The following SULT1B1 variants were observed in gnomAD, a reference collection of about 807,000 sequenced individuals.
The protein encoded by SULT1B1 is sulfotransferase 1B1.
A neutral mutation model predicts 34.6 loss-of-function variants in SULT1B1; 28 were observed. The observed-to-expected ratio is 0.81, with a 90% CI of 0.60 to 1.11. SULT1B1 has a LOEUF of 1.11. Ranked by LOEUF, SULT1B1 falls within the 50% of genes least tolerant of loss-of-function variation. SULT1B1 has a pLI of 0.00. For synonymous variants in SULT1B1, 147 were observed against 110.2 expected (o/e 1.33, Z -2.09); for missense variants, 374 against 352.2 (o/e 1.06, Z -0.50).
intron 6 of SULT1B1, among the ~76,000 whole-genome samples, 165 bp downstream of exon 6, chr4:69,733,248 A>G (rs1437912678): frequency 6.6e-6 from 1 of 152,176 alleles, no homozygotes; most frequent in African/African-American, 2.4e-5. Context: ...TCTTTTCACA[A>G]TTAGAAACTC....
intron 4 of SULT1B1, 127 bp downstream of exon 4, chr4:69,749,594 G>A (rs1718892037): frequency 3.7e-6 from 2 of 546,380 alleles, no homozygotes; most frequent in Non-Finnish European, 6.5e-6. Context: ...TACAACGTGA[G>A]TGGGTATAGT....
At position 69,726,194 on chromosome 4, in the gene SULT1B1, T is replaced by A; in HGVS notation, c.*894A>T. The A allele has an allele frequency of 6.7e-6, 1 of 148,258 alleles. No homozygotes were observed. Among genetic ancestry groups the A allele is most frequent in the Non-Finnish European group, 1.5e-5 (1 of 66,806 alleles). The allele number at this position is 148,258 out of a possible 1,614,324, so 9.2% of individuals were successfully genotyped here. On this transcript the variant is annotated 3_prime_UTR_variant, in exon 8 of 8. Coordinates refer to ENST00000310613, the MANE Select transcript of SULT1B1 (RefSeq NM_014465.4). ...CAGAGTGGAGATTCAGCCTAGAGAG[T>A]CTTCCTTGGGCACCAGATTGGGAAA...
At position 69,724,540 on chromosome 4, in the gene SULT1B1, C is replaced by A. The variant is rs1717748227; in HGVS notation, c.*2548G>T. ...AAACTACTTTAAAGTTCATAAGAAA[C>A]CAAAAAAGAGCCCGCATTGCCAAGT... On this transcript the variant is annotated 3_prime_UTR_variant, in exon 8 of 8. Transcript: ENST00000310613. The A allele has an allele frequency of 6.6e-6, 1 of 152,016 alleles. No individual in the cohort carries two copies. The highest frequency in any genetic ancestry group is 1.5e-5 in the Non-Finnish European group (1 of 68,002). The allele number at this position is 152,016 out of a possible 1,614,324, so 9.4% of individuals were successfully genotyped here. A position where few individuals can be genotyped will look rare whatever the true frequency, so the allele number is the denominator to read the frequency against.
At chr4:69,737,978 C>A (rs1469234185) in intron 4 of SULT1B1, among the ~76,000 whole-genome samples, 1 of 152,102 alleles carries the variant, frequency 6.6e-6, no homozygotes, top group East Asian at 1.9e-4. Flanking sequence ...GAGCATATTA[C>A]CTGATAGGCA....
At chr4:69,749,400 C>T (rs1718882023) in intron 4 of SULT1B1, among the ~76,000 whole-genome samples, 1 of 152,038 alleles carries the variant, frequency 6.6e-6, no homozygotes, top group South Asian at 2.1e-4. Flanking sequence ...AAGAATTATA[C>T]CAAATCTTCA....
In SULT1B1 at chr4:69,759,737, A is replaced by T. The variant is rs191426891; in HGVS notation, c.-45+722T>A. Among the ~76,000 whole-genome samples the T allele has an allele frequency of 1.3e-4, 20 of 152,380 alleles. No individual in the cohort carries two copies. The East Asian group carries it at 2.7e-3, about 21-fold the overall frequency. ...ACATTTACTTTAAAATCTAAAAATT[A>T]GTTCATAAAATATTTTAAACCCTAT... On this transcript the variant is annotated intron_variant, in intron 1 of 7. Transcript: ENST00000310613.
At chr4:69,746,316 C>A (rs1324232806) in intron 4 of SULT1B1, among the ~76,000 whole-genome samples, 1 of 152,088 alleles carries the variant, frequency 6.6e-6, no homozygotes. Flanking sequence ...AGTTAATTGC[C>A]TCTCTCTATC....
At position 69,749,816 on chromosome 4, in the gene SULT1B1, T is replaced by A; in HGVS notation, c.280A>T (p.Ile94Leu). 1.2e-6 allele frequency: 2 copies of A among 1,611,244 alleles called. No homozygotes were observed. Among genetic ancestry groups the A allele is most frequent in the Non-Finnish European group, 1.7e-6 (2 of 1,177,544 alleles). ...MTLPGLRTSG[I>L]EQLEKNPSPR... The stretch of plus-strand genomic sequence containing the variant: ...GATGGATTCTTCTCCAATTGTTCTA[T>A]ACCTGAGAAATTTAGTTAAGTATAG... Residue 94 changes from isoleucine (I) to leucine (L), a missense_variant and splice_region_variant, in exon 4 of 8, where the codon ATA (isoleucine) becomes TTA (leucine). Transcript: ENST00000310613.
chr4:69,749,765 G>T lies in SULT1B1; in HGVS notation c.331C>A (p.Pro111Thr). The T allele has an allele frequency of 6.2e-7, 1 of 1,613,588 alleles. No individual in the cohort carries two copies. The highest frequency in any genetic ancestry group is 8.5e-7 in the Non-Finnish European group (1 of 1,179,646). ...AAAGATTTAGGAAGAAGATCAGTCGGTAGATGTGTTTTCACAATCCGGGGT... is the reference window on the plus strand; with the variant it reads ...AAAGATTTAGGAAGAAGATCAGTCGTTAGATGTGTTTTCACAATCCGGGGT... Reference protein sequence around the residue: ...PSPRIVKTHLPTDLLPKSFWE... With the variant: ...PSPRIVKTHLTTDLLPKSFWE... The change falls in exon 4 of 8, where the codon CCG (proline) becomes ACG (threonine). Residue 111 changes from proline (P) to threonine (T), a missense_variant. Coordinates refer to ENST00000310613, the MANE Select transcript of SULT1B1 (RefSeq NM_014465.4).
At chr4:69,759,141 C>T (rs1455015475) in intron 1 of SULT1B1, among the ~76,000 whole-genome samples, 1 of 152,176 alleles carries the variant, frequency 6.6e-6, no homozygotes, top group Non-Finnish European at 1.5e-5. Flanking sequence ...TGTATATGAT[C>T]TCTAATCATT....
At position 69,724,735 on chromosome 4, in the gene SULT1B1, A is replaced by T. The variant is rs1355925244; in HGVS notation, c.*2353T>A. 3 of 152,256 alleles carry T rather than the reference A, an allele frequency of 2.0e-5. No individual in the cohort carries two copies. The highest frequency in any genetic ancestry group is 6.5e-5 in the Admixed American group (1 of 15,282). 9.4% of individuals were successfully genotyped at this position (152,256 alleles called of 1,614,324 possible). ...AATACTACACATCTACAATTATCTG[A>T]TCTTTGACAAACCTGACGAAAACAA... On this transcript the variant is annotated 3_prime_UTR_variant, in exon 8 of 8. Coordinates refer to ENST00000310613, the MANE Select transcript of SULT1B1 (RefSeq NM_014465.4).
Position 69,758,675 on chromosome 4 carries a change from T to A in SULT1B1, c.-45+1784A>T, listed in dbSNP as rs576037160. Among the ~76,000 whole-genome samples the A allele has an allele frequency of 1.1e-3, 173 of 152,344 alleles. 1 individual carries two copies. Among genetic ancestry groups the A allele is most frequent in the Non-Finnish European group, 1.9e-3 (132 of 68,022 alleles). The stretch of plus-strand genomic sequence containing the variant: ...AGTGAATGAATATTGAGGGAGCTGA[T>A]ACCCTTTTCATACTGTCTGCTAAAA... On this transcript the variant is annotated intron_variant, in intron 1 of 7. Coordinates refer to ENST00000310613, the MANE Select transcript of SULT1B1 (RefSeq NM_014465.4).
intron 4 of SULT1B1, among the ~76,000 whole-genome samples, chr4:69,737,658 T>C (rs1207528155): frequency 1.3e-5 from 2 of 152,156 alleles, no homozygotes; most frequent in Non-Finnish European, 2.9e-5. Flanking sequence ...TGATGAATTA[T>C]GTATATTTAT....
chr4:69,728,243 A>C (rs1717916139), intron 7 of SULT1B1, among the ~76,000 whole-genome samples: 1 of 152,056 alleles, frequency 6.6e-6, no homozygotes, highest in Non-Finnish European at 1.5e-5. Flanking sequence ...TCTGCATATA[A>C]ATTTTATAAT....
At chr4:69,749,660 T>C (rs992257398) in intron 4 of SULT1B1, 61 bp downstream of exon 4, 1 of 1,180,328 alleles carries the variant, frequency 8.5e-7, no homozygotes, top group South Asian at 1.3e-5. Flanking sequence ...AAAAATAAAC[T>C]ATGTGAGTGG....
intron 2 of SULT1B1, 77 bp downstream of exon 2, chr4:69,754,993 A>G (rs531820981): frequency 4.3e-4 from 582 of 1,360,762 alleles, no homozygotes; most frequent in Non-Finnish European, 5.3e-4. Flanking sequence ...TAGAATGGTA[A>G]TGATTTTATG....
intron 3 of SULT1B1, 52 bp from the exon 4 acceptor site, chr4:69,749,870 C>G: frequency 7.2e-7 from 1 of 1,391,842 alleles, no homozygotes; most frequent in Non-Finnish European, 1.0e-6. Flanking sequence ...AGAAAGGCTA[C>G]GTTTCCTTAT....
chr4:69,729,788 A>C (rs1407803949), intron 7 of SULT1B1, among the ~76,000 whole-genome samples: 2 of 152,148 alleles, frequency 1.3e-5, no homozygotes, highest in Non-Finnish European at 2.9e-5. Context: ...AAAGATATTG[A>C]AAACAGATCG....
intron 7 of SULT1B1, among the ~76,000 whole-genome samples, chr4:69,729,846 T>G (rs1211441940): frequency 1.3e-5 from 2 of 152,136 alleles, no homozygotes; most frequent in Admixed American, 6.5e-5. Flanking sequence ...AGTTAGTAAT[T>G]GGTTAAATGT....
Sources: gnomAD v4.1 joint callset for allele counts (sites outside exome capture counted in the v4.1 genomes callset) on GRCh38, gnomAD v4.1.1 for gene constraint, MANE v1.5 for transcripts, NCBI Gene and HGNC (gene_info 2026-07-23, HGNC 2026-07-21) for gene names.